Variants in FAT3 observed in about 807,000 individuals in gnomAD.
FAT3 encodes the protein FAT atypical cadherin 3.
In FAT3, 95 loss-of-function variants were observed where a neutral mutation model predicts 310.2. The observed-to-expected ratio is 0.31, with a 90% CI of 0.26 to 0.36. The LOEUF (loss-of-function observed/expected upper bound fraction) is 0.36, where lower values mean the gene tolerates loss of function less well. Among genes scored for constraint, FAT3 ranks in the 10% least tolerant of loss-of-function variants. The pLI is 1.00. For synonymous variants in FAT3, 2,314 were observed against 2,192.9 expected (o/e 1.06, Z -1.54); for missense variants, 5,408 against 5,715.6 (o/e 0.95, Z 1.74).
At chr11:92,540,755 G>C (rs932912972) in intron 3 of FAT3, among the ~76,000 whole-genome samples, 3 of 101,770 alleles carry the variant, frequency 2.9e-5, no homozygotes, top group Non-Finnish European at 6.4e-5. Flanking sequence ...GTTTTGTTTT[G>C]TTTTGTTTTG....
chr11:92,604,540 A>G (rs996403167), intron 3 of FAT3, among the ~76,000 whole-genome samples: 2 of 152,140 alleles, frequency 1.3e-5, no homozygotes, highest in Admixed American at 6.5e-5. Context: ...TCTTCCAAAT[A>G]CAGAATTTCC....
At chr11:92,450,153 G>T (rs913101116) in intron 2 of FAT3, among the ~76,000 whole-genome samples, 2 of 152,190 alleles carry the variant, frequency 1.3e-5, no homozygotes, top group African/African-American at 4.8e-5. Context: ...TGTACTCAGC[G>T]TTGGCAGCCT....
chr11:92,438,887 T>C (rs1422828662), intron 2 of FAT3, among the ~76,000 whole-genome samples: 4 of 152,216 alleles, frequency 2.6e-5, no homozygotes, highest in Non-Finnish European at 5.9e-5. Context: ...GCTTCTACTG[T>C]GCACCAGTAG....
chr11:92,721,650 A>G (rs957990882), intron 4 of FAT3, among the ~76,000 whole-genome samples: 6 of 152,190 alleles, frequency 3.9e-5, no homozygotes, highest in Non-Finnish European at 2.9e-5. Context: ...CAAATGTTGT[A>G]TCCTTGATGC....
intron 3 of FAT3, among the ~76,000 whole-genome samples, chr11:92,674,803 AC>A (rs1943238228): frequency 6.6e-6 from 1 of 152,222 alleles, no homozygotes; most frequent in South Asian, 2.1e-4. Flanking sequence ...TGCTAGGATT[AC>A]AGGCATAAGC....
intron 16 of FAT3, among the ~76,000 whole-genome samples, chr11:92,837,076 A>G (rs1465791010): frequency 6.6e-6 from 1 of 152,174 alleles, no homozygotes; most frequent in Non-Finnish European, 1.5e-5. Flanking sequence ...GAAGGCATCT[A>G]GGTCAGAAAA....
chr11:92,786,452 A>C (rs910225367), intron 7 of FAT3, among the ~76,000 whole-genome samples: 2 of 152,154 alleles, frequency 1.3e-5, no homozygotes, highest in African/African-American at 4.8e-5. Flanking sequence ...GATACAAATA[A>C]TTTAACAAAA....
chr11:92,245,656 A>G (rs1259014698), intron 1 of FAT3, among the ~76,000 whole-genome samples: 7 of 152,146 alleles, frequency 4.6e-5, no homozygotes, highest in Admixed American at 2.6e-4. Context: ...CACTGTGTCT[A>G]TTACAACTAT....
At chr11:92,871,439 G>T (rs1384214813) in intron 22 of FAT3, among the ~76,000 whole-genome samples, 1 of 152,112 alleles carries the variant, frequency 6.6e-6, no homozygotes, top group East Asian at 1.9e-4. Flanking sequence ...ATTTTAACAA[G>T]ATCCCTAGGT....
At chr11:92,721,374 A>G (rs1944854051) in intron 4 of FAT3, among the ~76,000 whole-genome samples, 1 of 152,220 alleles carries the variant, frequency 6.6e-6, no homozygotes. Flanking sequence ...ATATAAAAAC[A>G]ATTTAATTGT....
chr11:92,878,296 A>G (rs767471910), intron 22 of FAT3, among the ~76,000 whole-genome samples: 1 of 152,184 alleles, frequency 6.6e-6, no homozygotes, highest in African/African-American at 2.4e-5. Flanking sequence ...TATGGAGAGT[A>G]ATATGTTTCA....
intron 2 of FAT3, among the ~76,000 whole-genome samples, chr11:92,465,018 A>G (rs572124510): frequency 0.011 from 1,718 of 152,260 alleles, 24 homozygotes; most frequent in Middle Eastern, 0.017. Flanking sequence ...GTGGATGGCC[A>G]TTGAAACATG....
chr11:92,509,857 G>A (rs967493724), intron 2 of FAT3, among the ~76,000 whole-genome samples: 1 of 152,108 alleles, frequency 6.6e-6, no homozygotes, highest in African/African-American at 2.4e-5. Flanking sequence ...TCTGGATCAT[G>A]ACATAATCAG....
chr11:92,762,419 T>G (rs1296108790), intron 5 of FAT3, among the ~76,000 whole-genome samples: 2 of 152,082 alleles, frequency 1.3e-5, no homozygotes, highest in Non-Finnish European at 2.9e-5. Flanking sequence ...CCACAGCCTG[T>G]TTCACCACAT....
At chr11:92,845,819 G>A (rs11020080) in intron 19 of FAT3, among the ~76,000 whole-genome samples, 47,545 of 151,976 alleles carry the variant, frequency 0.31, 8,355 homozygotes, top group South Asian at 0.5. Flanking sequence ...GAAAGTTCTT[G>A]GTTGCAGTTT....
At chr11:92,366,735 G>A (rs1949032318) in intron 2 of FAT3, 1 of 535,548 alleles carries the variant, frequency 1.9e-6, no homozygotes, top group Non-Finnish European at 3.8e-6. Flanking sequence ...TTGATCTGGG[G>A]AGCTATTTCT....
intron 4 of FAT3, among the ~76,000 whole-genome samples, chr11:92,720,588 T>A (rs536990980): frequency 2.6e-5 from 4 of 152,304 alleles, no homozygotes; most frequent in Non-Finnish European, 5.9e-5. Context: ...GTATTCCACA[T>A]TGGACGAAAG....
At chr11:92,679,562 G>T (rs1943405005) in intron 3 of FAT3, among the ~76,000 whole-genome samples, 1 of 151,800 alleles carries the variant, frequency 6.6e-6, no homozygotes, top group African/African-American at 2.4e-5. Flanking sequence ...TAATGTTGAG[G>T]CCAGGCACGG....
At chr11:92,651,816 A>G (rs757430277) in intron 3 of FAT3, among the ~76,000 whole-genome samples, 22 of 152,194 alleles carry the variant, frequency 1.4e-4, no homozygotes, top group Non-Finnish European at 5.9e-5. Context: ...CCAAAGCTAT[A>G]GTTGTCAAAA....
Sources: allele counts gnomAD v4.1 joint callset (sites outside exome capture counted in the v4.1 genomes callset), GRCh38; gene constraint gnomAD v4.1.1; transcripts MANE v1.5; gene names NCBI Gene and HGNC (gene_info 2026-07-23, HGNC 2026-07-21).